The following HAO1 variants were observed in gnomAD, a reference collection of about 807,000 sequenced individuals.
HAO1 encodes 2-Hydroxyacid oxidase 1.
Under a neutral mutation model 39.7 loss-of-function variants are expected in HAO1, and 34 were observed. That is an observed-to-expected ratio of 0.86 (90% confidence interval 0.65 to 1.14). The LOEUF is 1.14. Ranked by LOEUF, HAO1 falls within the 50% of genes most tolerant of loss-of-function variation. HAO1 has a pLI of 0.00. For synonymous variants in HAO1, 172 were observed against 173.2 expected, an observed-to-expected ratio of 0.99 and a Z score of 0.05; for missense variants, 479 against 464.5, an observed-to-expected ratio of 1.03 and a Z score of -0.29.
At chr20:7,937,929 G>A (rs1263899342) in intron 1 of HAO1, among the ~76,000 whole-genome samples, 3 of 152,104 alleles carry the variant, frequency 2.0e-5, no homozygotes, top group Non-Finnish European at 2.9e-5. Flanking sequence ...CCAAGCAACT[G>A]CTGGGTCACA....
chr20:7,889,353 A>C (rs985565503), intron 5 of HAO1, among the ~76,000 whole-genome samples: 2 of 152,190 alleles, frequency 1.3e-5, no homozygotes, highest in Non-Finnish European at 2.9e-5. Flanking sequence ...GATAGCATCA[A>C]AATGAAAATG....
At chr20:7,931,390 C>T (rs550086883) in intron 2 of HAO1, among the ~76,000 whole-genome samples, 1 of 152,108 alleles carries the variant, frequency 6.6e-6, no homozygotes, top group African/African-American at 2.4e-5. Context: ...AATTAAAGCT[C>T]TTGCAAAGTG....
chr20:7,914,593 C>A lies in HAO1; in HGVS notation c.290-174G>T, dbSNP rs538519019. Reference sequence around the variant, plus strand: ...TACCATCTATTTCCTGATTCTACCTCCTCTGATACAAATGGCTACTGGAGT... The same window carrying A: ...TACCATCTATTTCCTGATTCTACCTACTCTGATACAAATGGCTACTGGAGT... On this transcript the variant is annotated intron_variant, in intron 2 of 7. Transcript: ENST00000378789. 6.1e-4 allele frequency among the ~76,000 whole-genome samples: 93 copies of A among 152,296 alleles called. 4 individuals are homozygous for A. The South Asian group carries it at 0.019, about 31-fold the overall frequency.
At position 7,940,348 on chromosome 20, in the gene HAO1, G is replaced by A; in HGVS notation, c.75C>T (p.Asp25=). ...CATCATTTGCCCCAGACCTGTAATA[G>A]TCATATATAGACTTTGGAAGTACTG... ...AKSVLPKSIY[D]YYRSGANDEE... The change falls in exon 1 of 8, where the codon GAC becomes GAT. Residue 25 remains aspartate, a synonymous_variant. Coordinates refer to ENST00000378789, the MANE Select transcript of HAO1 (RefSeq NM_017545.3). The A allele has an allele frequency of 1.2e-6, 2 of 1,611,010 alleles. No homozygotes were observed. The highest frequency in any genetic ancestry group is 2.2e-5 in the South Asian group (2 of 90,700).
intron 2 of HAO1, among the ~76,000 whole-genome samples, chr20:7,923,601 T>A (rs1265289713): frequency 6.6e-6 from 1 of 152,132 alleles, no homozygotes; most frequent in East Asian, 1.9e-4. Context: ...AAGGGAACAA[T>A]ATCCATCTAC....
At chr20:7,891,924 T>G (rs2050176022) in intron 5 of HAO1, among the ~76,000 whole-genome samples, 1 of 152,210 alleles carries the variant, frequency 6.6e-6, no homozygotes, top group Non-Finnish European at 1.5e-5. Context: ...AGCTTTGTGC[T>G]GTGACCAACC....
At chr20:7,905,400 ATTAATGGACAGACTCTCATC>A (rs969762303) in intron 4 of HAO1, among the ~76,000 whole-genome samples, 7 of 152,350 alleles carry the variant, frequency 4.6e-5, no homozygotes, top group African/African-American at 1.7e-4. Context: ...ATAGACATAC[ATTAATGGACAGACTCTCATC>A]TTAAAGTCAC....
At chr20:7,907,021 A>T (rs2050251550) in intron 3 of HAO1, among the ~76,000 whole-genome samples, 1 of 152,164 alleles carries the variant, frequency 6.6e-6, no homozygotes, top group Non-Finnish European at 1.5e-5. Context: ...CCGCAGTAAC[A>T]GGTGTTAACA....
At chr20:7,883,755 T>C (rs2050138867) in intron 7 of HAO1, 92 bp from the exon 8 acceptor site, 1 of 1,099,464 alleles carries the variant, frequency 9.1e-7, no homozygotes, top group Non-Finnish European at 1.4e-6. Context: ...ATTTGACAAA[T>C]GTAAGGTTTA....
chr20:7,919,344 A>C (rs1243214974), intron 2 of HAO1, among the ~76,000 whole-genome samples: 1 of 152,150 alleles, frequency 6.6e-6, no homozygotes, highest in Non-Finnish European at 1.5e-5. Context: ...ATATATTCAG[A>C]CTTTATTCGT....
rs2050435088 is a variant in HAO1 at position 7,940,321 on chromosome 20, T to C, written c.102A>G (p.Glu34=). 2 of 1,608,572 alleles carry C rather than the reference T, an allele frequency of 1.2e-6. No individual in the cohort carries two copies. The highest frequency in any genetic ancestry group is 1.3e-5 in the African/African-American group (1 of 74,534). The change falls in exon 1 of 8, where the codon GAA becomes GAG. Residue 34 remains glutamate, a synonymous_variant. Coordinates refer to ENST00000378789, the MANE Select transcript of HAO1 (RefSeq NM_017545.3). ...YDYYRSGAND[E]ETLADNIAAF... ...CTGCAATATTATCAGCCAAAGTTTCTTCATCATTTGCCCCAGACCTGTAAT... is the reference window on the plus strand; with the variant it reads ...CTGCAATATTATCAGCCAAAGTTTCCTCATCATTTGCCCCAGACCTGTAAT...
Position 7,940,250 on chromosome 20 carries a change from T to C in HAO1, c.137+36A>G, listed in dbSNP as rs114265404. On this transcript the variant is annotated intron_variant, in intron 1 of 7. Coordinates refer to ENST00000378789, the MANE Select transcript of HAO1 (RefSeq NM_017545.3). ...TTATTTTGGTACGGTCTTTGTGTAA[T>C]TTTAAAACATGATTTTAAAAAATAA... 673 of 1,542,650 alleles carry C rather than the reference T, an allele frequency of 4.4e-4. 4 individuals carry two copies. In the African/African-American group the frequency reaches 8.3e-3, roughly 19 times the overall value.
chr20:7,884,656 G>A (rs1229231286), intron 7 of HAO1, among the ~76,000 whole-genome samples: 1 of 152,160 alleles, frequency 6.6e-6, no homozygotes, highest in African/African-American at 2.4e-5. Context: ...CATCATGGAG[G>A]CAAAATGTCA....
chr20:7,933,480 A>G (rs2050395724), intron 2 of HAO1, among the ~76,000 whole-genome samples: 1 of 151,936 alleles, frequency 6.6e-6, no homozygotes, highest in Admixed American at 6.6e-5. Flanking sequence ...CAGGATTACC[A>G]TAGACAAAAG....
intron 3 of HAO1, among the ~76,000 whole-genome samples, chr20:7,910,357 C>T (rs1321402134): frequency 6.6e-6 from 1 of 152,152 alleles, no homozygotes; most frequent in Non-Finnish European, 1.5e-5. Flanking sequence ...ATTAGTAGAA[C>T]TGTGTTTGTG....
At chr20:7,885,171 C>A (rs556291224) in intron 7 of HAO1, among the ~76,000 whole-genome samples, 1 of 152,188 alleles carries the variant, frequency 6.6e-6, no homozygotes, top group East Asian at 1.9e-4. Context: ...TAGTTTTGGA[C>A]AGGTAAGAGT....
intron 2 of HAO1, among the ~76,000 whole-genome samples, chr20:7,928,459 T>C (rs1316009962): frequency 1.3e-5 from 2 of 152,024 alleles, no homozygotes; most frequent in Non-Finnish European, 2.9e-5. Flanking sequence ...TTTTCTGGGT[T>C]TTTGTTTTTG....
intron 1 of HAO1, among the ~76,000 whole-genome samples, chr20:7,938,215 A>C (rs1245657188): frequency 6.6e-6 from 1 of 152,150 alleles, no homozygotes; most frequent in East Asian, 1.9e-4. Flanking sequence ...CAGAATTTCT[A>C]TTCTTAGTTT....
intron 5 of HAO1, among the ~76,000 whole-genome samples, chr20:7,888,189 A>G (rs1178876825): frequency 6.6e-6 from 1 of 152,140 alleles, no homozygotes; most frequent in African/African-American, 2.4e-5. Flanking sequence ...GTTTTATCAA[A>G]CACTTTATAA....
Sources: allele counts gnomAD v4.1 joint callset (sites outside exome capture counted in the v4.1 genomes callset), GRCh38; gene constraint gnomAD v4.1.1; transcripts MANE v1.5; gene names NCBI Gene and HGNC (gene_info 2026-07-23, HGNC 2026-07-21).